Variants in EDNRB observed in about 807,000 individuals in gnomAD.
The protein encoded by EDNRB is endothelin receptor type B.
In EDNRB, 18 loss-of-function variants were observed where a neutral mutation model predicts 46.4. The observed-to-expected ratio is 0.39, with a 90% CI of 0.27 to 0.57. EDNRB has a LOEUF of 0.57. Among genes scored for constraint, EDNRB ranks in the 20% least tolerant of loss-of-function variants. The pLI is 0.61. For missense variants in EDNRB, 434 were observed against 537.5 expected, an observed-to-expected ratio of 0.81 and a Z score of 1.90; for synonymous variants, 213 against 204.9, an observed-to-expected ratio of 1.04 and a Z score of -0.34.
chr13:77,896,427 C>A lies in EDNRB; in HGVS notation c.*1773G>T. 6.5e-7 allele frequency: 1 copy of A among 1,549,656 alleles called. No individual in the cohort carries two copies. The highest frequency in any genetic ancestry group is 8.7e-7 in the Non-Finnish European group (1 of 1,146,364). ...TTGTGGGTGATTTATAAATAGAATC[C>A]ATATGGTGTGTGAATTAATTATTAT... On this transcript the variant is annotated 3_prime_UTR_variant, in exon 7 of 7. Coordinates refer to ENST00000646607, the MANE Select transcript of EDNRB (RefSeq NM_001122659.3).
chr13:77,926,918 A>G (rs1004455423), intron 1 of EDNRB, among the ~76,000 whole-genome samples: 9 of 152,242 alleles, frequency 5.9e-5, no homozygotes, highest in Non-Finnish European at 8.8e-5. Flanking sequence ...AGAGAAAATG[A>G]GGAATATGCA....
At chr13:77,907,612 T>C (rs2137620616) in intron 1 of EDNRB, among the ~76,000 whole-genome samples, 1 of 152,152 alleles carries the variant, frequency 6.6e-6, no homozygotes, top group African/African-American at 2.4e-5. Context: ...ATTCAAATAA[T>C]GTACAAACAT....
chr13:77,974,706 G>C (rs1182924855), intron 1 of EDNRB, among the ~76,000 whole-genome samples: 1 of 151,988 alleles, frequency 6.6e-6, no homozygotes, highest in Non-Finnish European at 1.5e-5. Context: ...CAGTAACCAA[G>C]CATCTATGTA....
upstream of EDNRB, among the ~76,000 whole-genome samples, chr13:77,921,308 A>G (rs1028311260): frequency 6.6e-6 from 1 of 152,216 alleles, no homozygotes; most frequent in African/African-American, 2.4e-5. Context: ...AGGCCAAACA[A>G]TTTTAAGGTA....
intron 1 of EDNRB, among the ~76,000 whole-genome samples, chr13:77,947,993 G>A (rs923052095): frequency 6.6e-6 from 1 of 152,064 alleles, no homozygotes; most frequent in African/African-American, 2.4e-5. Context: ...AATTAGAAGG[G>A]AGTGGGTAAT....
intron 1 of EDNRB, among the ~76,000 whole-genome samples, chr13:77,925,738 C>T (rs1266319938): frequency 6.6e-6 from 1 of 152,202 alleles, no homozygotes; most frequent in Admixed American, 6.5e-5. Context: ...CACACAGAGT[C>T]CCTACTGGGG....
intron 1 of EDNRB, among the ~76,000 whole-genome samples, chr13:77,941,699 TGGA>T (rs1168210762): frequency 2.6e-3 from 5 of 1,960 alleles, no homozygotes; most frequent in Non-Finnish European, 4.7e-3. Flanking sequence ...GTGGTGGTGA[TGGA>T]AGTTTTCTAA....
intron 5 of EDNRB, 91 bp from the exon 6 acceptor site, chr13:77,900,058 A>T: frequency 9.7e-7 from 1 of 1,035,158 alleles, no homozygotes; most frequent in Non-Finnish European, 1.5e-6. Flanking sequence ...AGGAAAAAAA[A>T]TGCCAATATA....
chr13:77,936,307 G>A (rs1880562791), intron 1 of EDNRB, among the ~76,000 whole-genome samples: 1 of 152,108 alleles, frequency 6.6e-6, no homozygotes, highest in African/African-American at 2.4e-5. Context: ...GCCTAATAAG[G>A]GAACTGGGCA....
intron 1 of EDNRB, among the ~76,000 whole-genome samples, chr13:77,970,179 T>C (rs1291162630): frequency 6.6e-6 from 1 of 152,300 alleles, no homozygotes; most frequent in East Asian, 1.9e-4. Flanking sequence ...CCCATACTTA[T>C]TCAGCTTGGG....
In EDNRB at chr13:77,896,408, G is replaced by A. The variant is rs1191167023; in HGVS notation, c.*1792C>T. The stretch of plus-strand genomic sequence containing the variant: ...ATGAAATTAAAGAACAAGTTTGTGG[G>A]TGATTTATAAATAGAATCCATATGG... On this transcript the variant is annotated 3_prime_UTR_variant, in exon 7 of 7. Transcript: ENST00000646607. 4 of 1,530,618 alleles carry A rather than the reference G, an allele frequency of 2.6e-6. No individual in the cohort carries two copies. In the African/African-American group the frequency reaches 4.2e-5, roughly 16 times the overall value. 94.8% of individuals were successfully genotyped at this position (1,530,618 alleles called of 1,614,324 possible). A position where few individuals can be genotyped will look rare whatever the true frequency, so the allele number is the denominator to read the frequency against.
At chr13:77,967,635 T>C (rs75834580) in intron 1 of EDNRB, among the ~76,000 whole-genome samples, 2,402 of 152,338 alleles carry the variant, frequency 0.016, 25 homozygotes, top group Non-Finnish European at 0.026. Context: ...GCAACCTACA[T>C]TGGTAGAGAA....
At chr13:77,935,824 G>A (rs370919180) in intron 1 of EDNRB, among the ~76,000 whole-genome samples, 3 of 152,320 alleles carry the variant, frequency 2.0e-5, no homozygotes, top group East Asian at 3.9e-4. Context: ...ATCCAGAACA[G>A]AATAATGGAT....
At chr13:77,954,542 C>T (rs1048897835) in intron 1 of EDNRB, among the ~76,000 whole-genome samples, 1 of 151,430 alleles carries the variant, frequency 6.6e-6, no homozygotes, top group African/African-American at 2.4e-5. Context: ...GACAGAGTCT[C>T]ACTCTGTCAC....
At chr13:77,955,852 T>TCTATCTATCTATCTAA (rs1555294674) in intron 1 of EDNRB, among the ~76,000 whole-genome samples, 10 of 131,892 alleles carry the variant, frequency 7.6e-5, no homozygotes, top group African/African-American at 2.9e-4. Context: ...TGTGTATCTA[T>TCTATCTATCTATCTAA]CTATCTATCT....
intron 1 of EDNRB, 139 bp downstream of exon 1, chr13:77,917,949 TCCA>T: frequency 7.7e-7 from 1 of 1,305,964 alleles, no homozygotes; most frequent in East Asian, 2.3e-5. Flanking sequence ...GGAATTTGGT[TCCA>T]AAGATTACTG....
At chr13:77,929,286 C>A (rs1880320850) in intron 1 of EDNRB, among the ~76,000 whole-genome samples, 1 of 152,172 alleles carries the variant, frequency 6.6e-6, no homozygotes, top group Non-Finnish European at 1.5e-5. Context: ...CCCAAACAGT[C>A]ATCTATAGGA....
chr13:77,922,027 A>G (rs75919253), upstream of EDNRB, among the ~76,000 whole-genome samples: 1,363 of 152,252 alleles, frequency 9.0e-3, 29 homozygotes, highest in African/African-American at 0.03. Context: ...ACTAACTACT[A>G]TGTAAATTTC....
At chr13:77,955,826 G>T (rs1005621847) in intron 1 of EDNRB, among the ~76,000 whole-genome samples, 2 of 147,978 alleles carry the variant, frequency 1.4e-5, no homozygotes, top group African/African-American at 5.1e-5. Context: ...GTTCCATTGG[G>T]GTGTGTGTAT....
Sources: allele counts gnomAD v4.1 joint callset (sites outside exome capture counted in the v4.1 genomes callset), GRCh38; gene constraint gnomAD v4.1.1; transcripts MANE v1.5; gene names NCBI Gene and HGNC (gene_info 2026-07-23, HGNC 2026-07-21).